Variants in MED13L observed in about 807,000 individuals in gnomAD.
The protein encoded by MED13L is mediator of RNA polymerase II transcription subunit 13-like.
MED13L carries 7 observed loss-of-function variants against 220.9 expected under a neutral mutation model. The ratio of observed to expected loss-of-function variants is 0.03; its 90% CI spans 0.02 to 0.06. The LOEUF is 0.06. Ranked by LOEUF, MED13L falls within the 10% of genes least tolerant of loss-of-function variation. The probability of loss-of-function intolerance (pLI) is 1.00; values close to 1 mark genes in which losing one functional copy is unlikely to be tolerated. For missense variants in MED13L, 1,965 were observed against 2,760.5 expected, an observed-to-expected ratio of 0.71 and a Z score of 6.46; for synonymous variants, 1,011 against 1,015.2, an observed-to-expected ratio of 1.00 and a Z score of 0.08.
At chr12:116,226,229 T>C (rs533441864) in intron 2 of MED13L, among the ~76,000 whole-genome samples, 2 of 152,194 alleles carry the variant, frequency 1.3e-5, no homozygotes, top group East Asian at 3.9e-4. Flanking sequence ...CATGTGGATA[T>C]TGTAGAAGCC....
chr12:116,100,407 T>G (rs995162946), intron 3 of MED13L, among the ~76,000 whole-genome samples: 35 of 151,412 alleles, frequency 2.3e-4, no homozygotes, highest in African/African-American at 8.5e-4. Context: ...GAGACCAGCC[T>G]GGCCAACATG....
chr12:116,102,710 C>CTTTTTTTTTTTTTTTTTTTTTTTTTTT (rs869201518), intron 3 of MED13L, among the ~76,000 whole-genome samples: 18 of 68,680 alleles, frequency 2.6e-4, no homozygotes, highest in Non-Finnish European at 2.7e-4. Flanking sequence ...TTTCTTTTTT[C>CTTTTTTTTTTTTTTTTTTTTTTTTTTT]TTTTTTTTTT....
intron 1 of MED13L, among the ~76,000 whole-genome samples, chr12:116,244,137 T>C (rs776887124): frequency 6.6e-6 from 1 of 152,208 alleles, no homozygotes; most frequent in Non-Finnish European, 1.5e-5. Flanking sequence ...CTGACAAGCA[T>C]GCATTAGGAA....
intron 2 of MED13L, among the ~76,000 whole-genome samples, chr12:116,153,836 C>T (rs748627294): frequency 2.0e-5 from 3 of 152,152 alleles, no homozygotes; most frequent in South Asian, 2.1e-4. Flanking sequence ...CATAAGCACA[C>T]GGAAGGCTTA....
At chr12:116,259,034 T>C (rs954101885) in intron 1 of MED13L, among the ~76,000 whole-genome samples, 1 of 152,056 alleles carries the variant, frequency 6.6e-6, no homozygotes, top group Admixed American at 6.6e-5. Context: ...ACACATCTTT[T>C]TAAACTGTTT....
At chr12:116,031,759 AGAAGGAAGGAAGGAAG>A (rs201576613) in intron 4 of MED13L, among the ~76,000 whole-genome samples, 3 of 40,986 alleles carry the variant, frequency 7.3e-5, no homozygotes, top group South Asian at 2.0e-3. Context: ...AGAAAAGAAA[AGAAGGAAGGAAGGAAG>A]GAAGGAAGGA....
chr12:116,036,464 C>T (rs1407824778), intron 4 of MED13L, among the ~76,000 whole-genome samples: 4 of 152,176 alleles, frequency 2.6e-5, no homozygotes, highest in Non-Finnish European at 4.4e-5. Context: ...TCTAAATCCT[C>T]TAAAAAGATA....
chr12:116,218,856 C>A (rs1883153626), intron 2 of MED13L, among the ~76,000 whole-genome samples: 2 of 152,066 alleles, frequency 1.3e-5, no homozygotes, highest in African/African-American at 4.8e-5. Context: ...GCCTGAGCCA[C>A]CCCAGCAGCT....
chr12:116,079,503 A>G (rs534432497), intron 4 of MED13L, among the ~76,000 whole-genome samples: 1 of 151,916 alleles, frequency 6.6e-6, no homozygotes, highest in East Asian at 1.9e-4. Context: ...TCAGATTACG[A>G]GCATGAGCTG....
At chr12:116,176,492 A>G (rs971013527) in intron 2 of MED13L, among the ~76,000 whole-genome samples, 3 of 152,186 alleles carry the variant, frequency 2.0e-5, no homozygotes, top group Non-Finnish European at 4.4e-5. Context: ...GAGGATATGA[A>G]GAATGTAAGC....
At chr12:116,128,046 C>A (rs1270377991) in intron 2 of MED13L, among the ~76,000 whole-genome samples, 1 of 152,178 alleles carries the variant, frequency 6.6e-6, no homozygotes, top group Non-Finnish European at 1.5e-5. Context: ...GCATTCCCTA[C>A]CTGACCCTCT....
chr12:116,175,908 T>C (rs1880026015), intron 2 of MED13L, among the ~76,000 whole-genome samples: 1 of 152,112 alleles, frequency 6.6e-6, no homozygotes, highest in South Asian at 2.1e-4. Context: ...AAATATGAGA[T>C]GGTGAAAAAT....
intron 2 of MED13L, among the ~76,000 whole-genome samples, chr12:116,141,923 C>G (rs1342233009): frequency 1.3e-5 from 2 of 152,090 alleles, no homozygotes; most frequent in African/African-American, 2.4e-5. Flanking sequence ...CCCAGCTTCA[C>G]GCCCACTGCT....
At position 115,991,040 on chromosome 12, in the gene MED13L, T is replaced by G. The variant is rs375067660; in HGVS notation, c.3914A>C (p.His1305Pro). Residue 1305 changes from histidine to proline, a missense_variant, in exon 17 of 31, where the codon CAC becomes CCC. His to Pro is a moderately conservative substitution (Grantham distance 77). Coordinates refer to ENST00000281928, the MANE Select transcript of MED13L (RefSeq NM_015335.5). This position sits in a 1 kb window ranked among gnomAD's most constrained non-coding sequence, Gnocchi z 7.7. ...DEALVRSATV[H>P]SWPHSNVLDI... ...CCTACCATTGCTGTGAGGCCAAGAGTGCACAGTGGCACTTCTCACCAGAGC... is the reference window on the plus strand; with the variant it reads ...CCTACCATTGCTGTGAGGCCAAGAGGGCACAGTGGCACTTCTCACCAGAGC... The G allele has an allele frequency of 4.3e-6, 7 of 1,614,010 alleles. No individual in the cohort carries two copies. Among genetic ancestry groups the G allele is most frequent in the Non-Finnish European group, 5.9e-6 (7 of 1,179,998 alleles).
chr12:116,135,085 C>G (rs530182892), intron 2 of MED13L, among the ~76,000 whole-genome samples: 20 of 152,210 alleles, frequency 1.3e-4, no homozygotes, highest in Non-Finnish European at 2.8e-4. Flanking sequence ...AGGAGAATCA[C>G]TTGAGCCTGG....
chr12:116,267,401 A>G (rs943352169), intron 1 of MED13L, among the ~76,000 whole-genome samples: 1 of 152,240 alleles, frequency 6.6e-6, no homozygotes, highest in Non-Finnish European at 1.5e-5. Flanking sequence ...ACTTAAAACA[A>G]GTCATTTTAC....
At chr12:116,186,449 G>A (rs934832132) in intron 2 of MED13L, among the ~76,000 whole-genome samples, 9 of 152,090 alleles carry the variant, frequency 5.9e-5, no homozygotes, top group African/African-American at 2.2e-4. Context: ...TCCTGTTTAG[G>A]TGCTTTATTA....
intron 2 of MED13L, among the ~76,000 whole-genome samples, chr12:116,171,001 T>C (rs1439102330): frequency 6.6e-6 from 1 of 152,284 alleles, no homozygotes; most frequent in East Asian, 1.9e-4. Flanking sequence ...CTGCCTTGAT[T>C]CGTGCTAAGG....
intron 4 of MED13L, among the ~76,000 whole-genome samples, chr12:116,077,879 A>AC (rs1478884594): frequency 1.3e-5 from 2 of 152,222 alleles, no homozygotes; most frequent in Non-Finnish European, 2.9e-5. Context: ...TTGGCCGGGC[A>AC]CTGTGGCTCA....
Sources: allele counts gnomAD v4.1 joint callset (sites outside exome capture counted in the v4.1 genomes callset), GRCh38; gene constraint gnomAD v4.1.1; non-coding constraint Gnocchi (gnomAD v3.1); transcripts MANE v1.5; gene names NCBI Gene and HGNC (gene_info 2026-07-23, HGNC 2026-07-21).